CSMD1: variants seen among roughly 807,000 people sequenced by gnomAD.
CSMD1 encodes CUB and sushi domain-containing protein 1.
Under a neutral mutation model 417.5 loss-of-function variants are expected in CSMD1, and 213 were observed. That is an observed-to-expected ratio of 0.51 (90% confidence interval 0.46 to 0.57). CSMD1 has a LOEUF of 0.57. Ranked by LOEUF, CSMD1 falls within the 20% of genes least tolerant of loss-of-function variation. CSMD1 has a pLI of 0.00. For missense variants in CSMD1, 6,923 were observed against 4,529.7 expected (o/e 1.53, Z -15.17); for synonymous variants, 2,862 against 1,736.8 (o/e 1.65, Z -16.11).
At chr8:4,318,906 T>C (rs1469346911) in intron 3 of CSMD1, among the ~76,000 whole-genome samples, 2 of 152,186 alleles carry the variant, frequency 1.3e-5, no homozygotes, top group African/African-American at 4.8e-5. Flanking sequence ...TCTGAAACTT[T>C]AGTCAGAAGT....
chr8:4,051,308 CAA>C (rs5889012), intron 3 of CSMD1, among the ~76,000 whole-genome samples: 3 of 140,528 alleles, frequency 2.1e-5, no homozygotes, highest in Non-Finnish European at 3.0e-5. Flanking sequence ...TTTGAAGACT[CAA>C]AAAAAAAAAA....
intron 49 of CSMD1, among the ~76,000 whole-genome samples, chr8:3,075,919 C>T (rs6558714): frequency 0.68 from 101,537 of 149,760 alleles, 35,590 homozygotes; most frequent in African/African-American, 0.86. Flanking sequence ...GGCGTGGTGG[C>T]GGGCGCCTGT....
At chr8:3,618,532 C>T (rs1356711095) in intron 7 of CSMD1, among the ~76,000 whole-genome samples, 2 of 151,294 alleles carry the variant, frequency 1.3e-5, no homozygotes, top group East Asian at 1.9e-4. Context: ...TATTGAATTC[C>T]AAAATTTTAT....
At chr8:4,206,480 C>A (rs1433920471) in intron 3 of CSMD1, among the ~76,000 whole-genome samples, 1 of 152,144 alleles carries the variant, frequency 6.6e-6, no homozygotes, top group Non-Finnish European at 1.5e-5. Flanking sequence ...ATAATGGTTT[C>A]CAGCTTCGTC....
intron 3 of CSMD1, among the ~76,000 whole-genome samples, chr8:4,059,953 A>T (rs971945555): frequency 2.8e-4 from 43 of 152,086 alleles, no homozygotes; most frequent in Non-Finnish European, 5.4e-4. Flanking sequence ...TGAGGCCAGC[A>T]TCATCCTGAT....
intron 3 of CSMD1, among the ~76,000 whole-genome samples, chr8:4,280,373 C>T (rs1231233548): frequency 1.3e-5 from 2 of 152,134 alleles, no homozygotes; most frequent in South Asian, 4.1e-4. Flanking sequence ...ATTGAATAGA[C>T]ACGACATGTT....
At chr8:3,438,602 G>A (rs914611443) in intron 12 of CSMD1, among the ~76,000 whole-genome samples, 2 of 152,026 alleles carry the variant, frequency 1.3e-5, no homozygotes, top group Admixed American at 1.3e-4. Context: ...TTGCTGAGTG[G>A]GATTTCATGG....
intron 5 of CSMD1, among the ~76,000 whole-genome samples, chr8:3,858,072 G>C (rs539540764): frequency 6.6e-6 from 1 of 152,322 alleles, no homozygotes; most frequent in African/African-American, 2.4e-5. Context: ...TGTAAAGATA[G>C]CAATTTGTGA....
intron 3 of CSMD1, among the ~76,000 whole-genome samples, chr8:4,057,217 T>C (rs556275769): frequency 2.0e-5 from 3 of 152,276 alleles, no homozygotes; most frequent in Non-Finnish European, 2.9e-5. Context: ...TTTTTAATGA[T>C]TGCCATTCTA....
intron 23 of CSMD1, among the ~76,000 whole-genome samples, chr8:3,313,362 T>G (rs1015248744): frequency 7.9e-5 from 12 of 152,066 alleles, no homozygotes; most frequent in African/African-American, 2.9e-4. Flanking sequence ...ATTTTTGCAA[T>G]CTACTCATCT....
intron 8 of CSMD1, among the ~76,000 whole-genome samples, chr8:3,604,221 C>G (rs889355349): frequency 2.4e-4 from 37 of 151,852 alleles, no homozygotes; most frequent in African/African-American, 8.7e-4. Context: ...TTAGTGAAAT[C>G]AAATTGGAAG....
chr8:4,742,649 C>T (rs974688755), intron 1 of CSMD1, among the ~76,000 whole-genome samples: 41 of 152,108 alleles, frequency 2.7e-4, no homozygotes, highest in African/African-American at 7.5e-4. Flanking sequence ...AATCCAAAAG[C>T]AGGTAGTGTT....
At chr8:4,081,735 G>C (rs190409314) in intron 3 of CSMD1, among the ~76,000 whole-genome samples, 125 of 152,198 alleles carry the variant, frequency 8.2e-4, no homozygotes, top group African/African-American at 3.0e-3. Flanking sequence ...ATTAGGAAAA[G>C]GTAACAAGAG....
chr8:4,157,884 C>A (rs1312818433), intron 3 of CSMD1, among the ~76,000 whole-genome samples: 1 of 152,134 alleles, frequency 6.6e-6, no homozygotes, highest in Non-Finnish European at 1.5e-5. Flanking sequence ...ATCCTCCCCA[C>A]AGGACAACAG....
At chr8:3,696,217 A>C (rs1800543690) in intron 7 of CSMD1, among the ~76,000 whole-genome samples, 1 of 152,188 alleles carries the variant, frequency 6.6e-6, no homozygotes, top group Non-Finnish European at 1.5e-5. Flanking sequence ...CAGACAGTTC[A>C]AACCATAAAA....
At chr8:2,961,370 T>A (rs558054906) in intron 61 of CSMD1, among the ~76,000 whole-genome samples, 156 bp from the exon 62 acceptor site, 1 of 152,340 alleles carries the variant, frequency 6.6e-6, no homozygotes, top group East Asian at 1.9e-4. Flanking sequence ...AAATTGCTAC[T>A]TTTATCTTCT....
At chr8:3,044,607 A>G (rs1811315251) in intron 50 of CSMD1, among the ~76,000 whole-genome samples, 1 of 152,032 alleles carries the variant, frequency 6.6e-6, no homozygotes, top group Admixed American at 6.6e-5. Flanking sequence ...CGATGATCCA[A>G]ATCCAGTCTC....
At chr8:3,210,330 C>T (rs969752663) in intron 30 of CSMD1, among the ~76,000 whole-genome samples, 16 of 88,852 alleles carry the variant, frequency 1.8e-4, no homozygotes, top group African/African-American at 7.9e-4. Context: ...TCTTTGATGA[C>T]TAGTAAAATA....
At chr8:4,240,086 T>C (rs1031016417) in intron 3 of CSMD1, among the ~76,000 whole-genome samples, 1 of 152,234 alleles carries the variant, frequency 6.6e-6, no homozygotes, top group Non-Finnish European at 1.5e-5. Context: ...TAAATAAAGC[T>C]TCTTAAATAC....
Sources: gnomAD v4.1 joint callset for allele counts (sites outside exome capture counted in the v4.1 genomes callset) on GRCh38, gnomAD v4.1.1 for gene constraint, MANE v1.5 for transcripts, NCBI Gene and HGNC (gene_info 2026-07-23, HGNC 2026-07-21) for gene names.